The following VASP variants were observed in gnomAD, a reference collection of about 807,000 sequenced individuals.
VASP encodes vasodilator-stimulated phosphoprotein.
Under a neutral mutation model 54.4 loss-of-function variants are expected in VASP, and 27 were observed. That is an observed-to-expected ratio of 0.50 (90% confidence interval 0.37 to 0.68). VASP has a LOEUF of 0.68. VASP is among the 30% of genes least tolerant of loss of function. The probability of loss-of-function intolerance (pLI) is 0.00; values close to 1 mark genes in which losing one functional copy is unlikely to be tolerated. For synonymous variants in VASP, 233 were observed against 209.8 expected (o/e 1.11, Z -0.96); for missense variants, 488 against 528.3 (o/e 0.92, Z 0.75).
chr19:45,520,746 T>C (rs1215076613), intron 3 of VASP, among the ~76,000 whole-genome samples: 1 of 152,076 alleles, frequency 6.6e-6, no homozygotes, highest in East Asian at 1.9e-4. Context: ...AGTGGATCAC[T>C]TGAGGTCAGG....
chr19:45,513,977 CT>C (rs1383436882), intron 1 of VASP, among the ~76,000 whole-genome samples: 1 of 152,202 alleles, frequency 6.6e-6, no homozygotes, highest in African/African-American at 2.4e-5. Flanking sequence ...AAATTTCTGC[CT>C]TTTTGGCAGC....
intron 1 of VASP, among the ~76,000 whole-genome samples, chr19:45,509,018 C>T (rs1256242338): frequency 6.6e-6 from 1 of 152,222 alleles, no homozygotes; most frequent in African/African-American, 2.4e-5. Context: ...GGACTTCCTG[C>T]CCCAAAGCCC....
chr19:45,525,837 C>A, intron 11 of VASP, 109 bp from the exon 12 acceptor site: 1 of 1,121,972 alleles, frequency 8.9e-7, no homozygotes, highest in Non-Finnish European at 1.3e-6. Context: ...CCATTGCACC[C>A]TAGCCTGGGC....
chr19:45,522,283 A>G, intron 5 of VASP, 57 bp from the exon 6 acceptor site: 1 of 1,613,994 alleles, frequency 6.2e-7, no homozygotes, highest in South Asian at 1.1e-5. Flanking sequence ...AGCCAGCTGG[A>G]CAGTGAAGAA....
intron 1 of VASP, among the ~76,000 whole-genome samples, chr19:45,512,502 G>T (rs1206656815): frequency 6.6e-6 from 1 of 151,886 alleles, no homozygotes. Flanking sequence ...TGGTCAGGCT[G>T]GTCTCAAACT....
intron 1 of VASP, among the ~76,000 whole-genome samples, chr19:45,508,040 T>C (rs935861147): frequency 9.9e-5 from 15 of 151,664 alleles, no homozygotes; most frequent in African/African-American, 3.6e-4. Context: ...TCCCGAATTG[T>C]TAAGACTTTT....
intron 2 of VASP, 37 bp downstream of exon 2, chr19:45,517,871 C>A (rs1223605972): frequency 1.3e-6 from 2 of 1,595,722 alleles, no homozygotes; most frequent in Non-Finnish European, 1.7e-6. Context: ...TGGGCTGAAC[C>A]CCTACCCGCC....
intron 9 of VASP, 84 bp from the exon 10 acceptor site, chr19:45,524,013 A>T: frequency 6.2e-7 from 1 of 1,609,692 alleles, no homozygotes; most frequent in South Asian, 1.1e-5. Flanking sequence ...GGCTTTGATC[A>T]GGGGCTGATG....
At chr19:45,512,367 C>T (rs1968616241) in intron 1 of VASP, among the ~76,000 whole-genome samples, 1 of 151,040 alleles carries the variant, frequency 6.6e-6, no homozygotes, top group East Asian at 2.0e-4. Flanking sequence ...CAGCTCACTG[C>T]AACCTCCACC....
intron 1 of VASP, among the ~76,000 whole-genome samples, chr19:45,513,446 C>G (rs950035455): frequency 7.0e-6 from 1 of 142,020 alleles, no homozygotes; most frequent in Non-Finnish European, 1.5e-5. Flanking sequence ...AGGTCACCAT[C>G]TTGCCCAAGC....
rs759805062 is a variant in VASP, at chr19:45,524,121, A to C, written c.935A>C (p.Lys312Thr). Residue 312 changes from lysine to threonine, a missense_variant, in exon 10 of 13, where the codon AAG becomes ACG. Physicochemically the swap from Lys to Thr is moderately conservative, Grantham distance 78. This residue lies in a region of VASP where 126 missense variants were observed against 134.8 expected (regional missense o/e 0.94). Coordinates refer to ENST00000245932, the MANE Select transcript of VASP (RefSeq NM_003370.4). The part of the protein sequence containing the change: ...QSESVRRPWE[K>T]NSTTLPRMKS... ...GAATCTGTGCGGAGACCCTGGGAGA[A>C]GAACAGCACAACCTTGCCAAGGTAG... 1.9e-6 allele frequency: 3 copies of C among 1,613,772 alleles called. No individual in the cohort carries two copies. Among genetic ancestry groups the C allele is most frequent in the African/African-American group, 1.3e-5 (1 of 74,856 alleles).
chr19:45,522,324 T>C lies in VASP; in HGVS notation c.479-16T>C. 2 of 1,610,764 alleles carry C rather than the reference T, an allele frequency of 1.2e-6. No homozygotes were observed. Among genetic ancestry groups the C allele is most frequent in the Non-Finnish European group, 1.7e-6 (2 of 1,178,744 alleles). ...CTTCTCTCTCTCAGCTGCCCCCTTT[T>C]CTGTGTTTGTTTCAGGAGGCCCACC... On this transcript the variant is annotated splice_polypyrimidine_tract_variant and intron_variant, in intron 5 of 12. Transcript: ENST00000245932.
At chr19:45,519,596 C>CT (rs35957572) in intron 3 of VASP, among the ~76,000 whole-genome samples, 46,563 of 123,214 alleles carry the variant, frequency 0.38, 9,602 homozygotes, top group Middle Eastern at 0.48. Context: ...AGCCCAGTTG[C>CT]TTTTTTTTTT....
At chr19:45,517,466 T>C (rs964937173) in intron 1 of VASP, among the ~76,000 whole-genome samples, 197 bp from the exon 2 acceptor site, 1 of 151,862 alleles carries the variant, frequency 6.6e-6, no homozygotes, top group African/African-American at 2.4e-5. Context: ...TTGCATCTCG[T>C]TTGTGTGTTT....
intron 1 of VASP, among the ~76,000 whole-genome samples, chr19:45,513,949 A>C (rs1968651914): frequency 6.6e-6 from 1 of 152,240 alleles, no homozygotes; most frequent in Non-Finnish European, 1.5e-5. Context: ...GGGACACAGC[A>C]GTGAACAACT....
chr19:45,524,187 G>A (rs760456336), intron 10 of VASP, 45 bp downstream of exon 10: 8 of 1,609,900 alleles, frequency 5.0e-6, no homozygotes, highest in East Asian at 4.5e-5. Flanking sequence ...AAGGCGGGCA[G>A]ATCGCTTGAG....
At chr19:45,523,189 AATTTTTTT>A (rs1360884139) in intron 7 of VASP, among the ~76,000 whole-genome samples, 3 of 106,970 alleles carry the variant, frequency 2.8e-5, no homozygotes, top group African/African-American at 8.1e-5. Flanking sequence ...CAATCTCTTG[AATTTTTTT>A]TTTTTTTTTT....
chr19:45,526,110 C>T (rs1308616167), intron 12 of VASP, 30 bp from the exon 13 acceptor site: 1 of 1,613,856 alleles, frequency 6.2e-7, no homozygotes, highest in South Asian at 1.1e-5. Flanking sequence ...GAGACTCTGC[C>T]CCTGACCTCT....
At chr19:45,513,265 AGGGAGTCTTGCTCTG>A (rs1968635586) in intron 1 of VASP, among the ~76,000 whole-genome samples, 1 of 130,232 alleles carries the variant, frequency 7.7e-6, no homozygotes, top group Admixed American at 8.0e-5. Flanking sequence ...TTGCTCTGTG[AGGGAGTCTTGCTCTG>A]TTGCCCAGGC....
Sources: gnomAD v4.1 joint callset for allele counts (sites outside exome capture counted in the v4.1 genomes callset) on GRCh38, gnomAD v4.1.1 for gene constraint, gnomAD v4.1.1 regional missense constraint, MANE v1.5 for transcripts, NCBI Gene and HGNC (gene_info 2026-07-23, HGNC 2026-07-21) for gene names.